The following THOC6 variants were observed in gnomAD, a reference collection of about 807,000 sequenced individuals.
THOC6 encodes the protein THO complex subunit 6.
In THOC6, 39 loss-of-function variants were observed where a neutral mutation model predicts 55.8. That is an observed-to-expected ratio of 0.70 (90% CI 0.54 to 0.91). The LOEUF is 0.91. Among genes scored for constraint, THOC6 ranks in the 40% least tolerant of loss-of-function variants. The pLI, the probability that THOC6 is intolerant of heterozygous loss-of-function variation, is 0.00. For synonymous variants in THOC6, 192 were observed against 175.6 expected, an observed-to-expected ratio of 1.09 and a Z score of -0.74; for missense variants, 482 against 442.0, an observed-to-expected ratio of 1.09 and a Z score of -0.81.
chr16:3,025,761 C>T lies in THOC6; in HGVS notation c.93C>T (p.Ser31=), dbSNP rs115250573. 3.3e-4 allele frequency: 525 copies of T among 1,614,240 alleles called. No homozygotes were observed. The highest frequency in any genetic ancestry group is 3.9e-4 in the Non-Finnish European group (459 of 1,180,044). Residue 31 remains serine, a synonymous_variant, in exon 2 of 13, where the codon AGC becomes AGT. Transcript: ENST00000326266. ...TCCATATGACCATCTTCTCCCAGAG[C>T]GTCTCACCATGTGGGAAGTTTCTGG... ...QRLHMTIFSQ[S]VSPCGKFLAA...
rs2072814790 is a variant in THOC6 at position 3,027,051 on chromosome 16, T to C, written c.677T>C (p.Leu226Ser). 1 of 1,614,164 alleles carries C rather than the reference T, an allele frequency of 6.2e-7. No homozygotes were observed. The highest frequency in any genetic ancestry group is 8.5e-7 in the Non-Finnish European group (1 of 1,180,014). The change falls in exon 10 of 13, where the codon TTG (leucine) becomes TCG (serine). Residue 226 changes from leucine (L) to serine (S), a missense_variant. Physicochemically the swap from Leu to Ser is moderately radical, Grantham distance 145. Transcript: ENST00000326266. Reference sequence around the variant, plus strand: ...CACAATGGGCGCTGGATTGGATGTTTGGCAACTGATTCCGACTGGATGGTG... The same window carrying C: ...CACAATGGGCGCTGGATTGGATGTTCGGCAACTGATTCCGACTGGATGGTG... The part of the protein sequence containing the change: ...RPHNGRWIGC[L>S]ATDSDWMVCG...
Position 3,027,687 on chromosome 16 carries a change from G to A in THOC6, c.*30G>A, listed in dbSNP as rs1294972583. The stretch of plus-strand genomic sequence containing the variant: ...TGACGACACCCCCAGCCAGCTCAGG[G>A]TTTTAGAGTGTTTTTCATTTTCTTT... On this transcript the variant is annotated 3_prime_UTR_variant, in exon 13 of 13. Transcript: ENST00000326266. 2.6e-6 allele frequency: 4 copies of A among 1,561,976 alleles called. No homozygotes were observed. The highest frequency in any genetic ancestry group is 2.6e-6 in the Non-Finnish European group (3 of 1,159,520).
chr16:3,026,523 C>T lies in THOC6; in HGVS notation c.419C>T (p.Ser140Phe). ...CATCCTGCTCCTCCACAGGAGAATTCCCTCATCCTGGCTGGGGGAGACTGT... is the reference window on the plus strand; with the variant it reads ...CATCCTGCTCCTCCACAGGAGAATTTCCTCATCCTGGCTGGGGGAGACTGT... ...NALLLVPKEN[S>F]LILAGGDCQL... Residue 140 changes from serine (S) to phenylalanine (F), a missense_variant, in exon 7 of 13, where the codon TCC becomes TTC. Coordinates refer to ENST00000326266, the MANE Select transcript of THOC6 (RefSeq NM_024339.5). The T allele has an allele frequency of 6.2e-7, 1 of 1,614,166 alleles. No individual in the cohort carries two copies. The highest frequency in any genetic ancestry group is 8.5e-7 in the Non-Finnish European group (1 of 1,180,026).
intron 7 of THOC6, 36 bp from the exon 8 acceptor site, chr16:3,026,643 C>T: frequency 6.2e-7 from 1 of 1,611,078 alleles, no homozygotes; most frequent in Non-Finnish European, 8.5e-7. Flanking sequence ...GGCACTCTTC[C>T]TAGGTCTCCT....
chr16:3,026,425 A>G lies in THOC6; in HGVS notation c.411+12A>G, dbSNP rs199963464. On this transcript the variant is annotated intron_variant, in intron 6 of 12. Transcript: ENST00000326266. ...TGCTGGTCCCCAAGGTCTGAGCCCCATGTGACTGTTCTTGGTCCAAACTTT... is the reference window on the plus strand; with the variant it reads ...TGCTGGTCCCCAAGGTCTGAGCCCCGTGTGACTGTTCTTGGTCCAAACTTT... 2 of 1,614,118 alleles carry G rather than the reference A, an allele frequency of 1.2e-6. No homozygotes were observed. The highest frequency in any genetic ancestry group is 1.7e-6 in the Non-Finnish European group (2 of 1,180,020).
In THOC6 at chr16:3,025,946, G is replaced by T. The variant is rs774344237; in HGVS notation, c.178G>T (p.Glu60Ter). 1 of 1,614,114 alleles carries T rather than the reference G, an allele frequency of 6.2e-7. No homozygotes were observed. The highest frequency in any genetic ancestry group is 2.2e-5 in the East Asian group (1 of 44,904). The stretch of plus-strand genomic sequence containing the variant: ...CAGCTTGTCCTCTGCTTTGAGCTCA[G>T]AAGCCAAAGAGGAAAGTAAGAAGCC... ...IFSLSSALSS[E>*]AKEESKKPVV... The change falls in exon 3 of 13, where the codon GAA becomes TAA. Residue 60 changes from glutamate to a stop codon, truncating the protein, a stop_gained. Transcript: ENST00000326266. LOFTEE classifies it high-confidence loss of function.
rs116675970 is a variant in THOC6, at chr16:3,027,029, A to T, written c.655A>T (p.Asn219Tyr). 6.2e-7 allele frequency: 1 copy of T among 1,614,048 alleles called. No individual in the cohort carries two copies. The highest frequency in any genetic ancestry group is 1.1e-5 in the South Asian group (1 of 91,072). ...ATCCCAGGAGTGCTCGAGGCCCCACAATGGGCGCTGGATTGGATGTTTGGC... is the reference window on the plus strand; with the variant it reads ...ATCCCAGGAGTGCTCGAGGCCCCACTATGGGCGCTGGATTGGATGTTTGGC... ...YKHEECSRPH[N>Y]GRWIGCLATD... The change falls in exon 10 of 13, where the codon AAT becomes TAT. Residue 219 changes from asparagine to tyrosine, a missense_variant. Asn to Tyr is a moderately radical substitution (Grantham distance 143). Coordinates refer to ENST00000326266, the MANE Select transcript of THOC6 (RefSeq NM_024339.5).
chr16:3,027,111 G>A (rs781051418), intron 10 of THOC6, 38 bp downstream of exon 10: 29 of 1,614,008 alleles, frequency 1.8e-5, no homozygotes, highest in East Asian at 2.2e-5. Flanking sequence ...TGGCAGCTCC[G>A]GGCCCTGTCA....
chr16:3,026,812 G>A (rs759725023), intron 8 of THOC6, 31 bp downstream of exon 8: 8 of 1,613,974 alleles, frequency 5.0e-6, no homozygotes, highest in Non-Finnish European at 6.8e-6. Context: ...AGGGCAAGAT[G>A]GCAGTGAAGG....
In THOC6 at chr16:3,026,145, T is replaced by G; in HGVS notation, c.303T>G (p.Leu101=). The G allele has an allele frequency of 6.2e-7, 1 of 1,608,176 alleles. No homozygotes were observed. The highest frequency in any genetic ancestry group is 8.5e-7 in the Non-Finnish European group (1 of 1,175,918). ...GGGATGGGGAGGTGAAGGCCTGGCT[T>G]TGGGCGGAGATGCTCAAGAAGGTAA... ...SAGDGEVKAW[L]WAEMLKKGCK... The change falls in exon 4 of 13, where the codon CTT becomes CTG. Residue 101 remains leucine (L), a synonymous_variant. Coordinates refer to ENST00000326266, the MANE Select transcript of THOC6 (RefSeq NM_024339.5).
At position 3,025,973 on chromosome 16, in the gene THOC6, G is replaced by A. The variant is rs753828028; in HGVS notation, c.205G>A (p.Val69Met). The A allele has an allele frequency of 1.2e-6, 2 of 1,614,226 alleles. No individual in the cohort carries two copies. The highest frequency in any genetic ancestry group is 2.2e-5 in the East Asian group (1 of 44,890). The change falls in exon 3 of 13, where the codon GTG becomes ATG. Residue 69 changes from valine to methionine, a missense_variant. Val to Met is a conservative substitution (Grantham distance 21). Transcript: ENST00000326266. ...SEAKEESKKP[V>M]VTFQAHDGPV... The stretch of plus-strand genomic sequence containing the variant: ...AGCCAAAGAGGAAAGTAAGAAGCCG[G>A]TGGTGACTTTCCAAGGTGGGTATAC...
chr16:3,027,482 TGCCGC>T lies in THOC6; in HGVS notation c.931_935del (p.Ala311Ter). ...TCAGCCTCAGCCTCAACCAGCAGCC[TGCCGC>T]GCCTGAGTGCAAGGTGGGTCCGGCA... On this transcript the variant is annotated frameshift_variant, in exon 12 of 13. Transcript: ENST00000326266. LOFTEE classifies it high-confidence loss of function. The T allele has an allele frequency of 6.2e-7, 1 of 1,610,112 alleles. No individual in the cohort carries two copies. Among genetic ancestry groups the T allele is most frequent in the Non-Finnish European group, 8.5e-7 (1 of 1,177,800 alleles).
intron 6 of THOC6, 44 bp from the exon 7 acceptor site, chr16:3,026,472 C>T (rs760506345): frequency 1.8e-5 from 29 of 1,613,990 alleles, no homozygotes; most frequent in Admixed American, 6.7e-5. Context: ...CTCTGCCTAT[C>T]CTGATTTGAC....
Position 3,026,243 on chromosome 16 carries a change from T to C in THOC6, c.325-8T>C. 1 of 1,614,110 alleles carries C rather than the reference T, an allele frequency of 6.2e-7. No homozygotes were observed. The highest frequency in any genetic ancestry group is 2.2e-5 in the East Asian group (1 of 44,872). ...CTTTGAGGTCACCTGGTATTTTCTC[T>C]TTTGAAGGGCTGTAAGGAGCTGTGG... On this transcript the variant is annotated splice_polypyrimidine_tract_variant and splice_region_variant and intron_variant, in intron 4 of 12. Coordinates refer to ENST00000326266, the MANE Select transcript of THOC6 (RefSeq NM_024339.5).
chr16:3,026,513 CAGG>C lies in THOC6; in HGVS notation c.412_414del (p.Glu138del). The C allele has an allele frequency of 6.2e-7, 1 of 1,614,162 alleles. No homozygotes were observed. Among genetic ancestry groups the C allele is most frequent in the Non-Finnish European group, 8.5e-7 (1 of 1,180,016 alleles). ...CTTTCTGCCTCATCCTGCTCCTCCACAGGAGAATTCCCTCATCCTGGCTGGGGG... is the reference window on the plus strand; with the variant it reads ...CTTTCTGCCTCATCCTGCTCCTCCACAGAATTCCCTCATCCTGGCTGGGGG... On this transcript the variant is annotated splice_acceptor_variant and coding_sequence_variant, in exon 7 of 13. Transcript: ENST00000326266. LOFTEE classifies it high-confidence loss of function.
At chr16:3,026,610 A>G (rs753642822) in intron 7 of THOC6, 23 bp downstream of exon 7, 2 of 1,613,572 alleles carry the variant, frequency 1.2e-6, no homozygotes, top group Non-Finnish European at 8.5e-7. Context: ...CTGGAGCCCT[A>G]GAGCAGGTCT....
intron 7 of THOC6, 36 bp from the exon 8 acceptor site, chr16:3,026,643 C>G (rs751677848): frequency 6.2e-7 from 1 of 1,611,078 alleles, no homozygotes; most frequent in Non-Finnish European, 8.5e-7. Flanking sequence ...GGCACTCTTC[C>G]TAGGTCTCCT....
rs1826717890 is a variant in THOC6, at chr16:3,027,155, C to A, written c.700-15C>A. ...CCTGTGGTTCACAGCTGGGGACTCC[C>A]ACCTTTCTGTCCAGGTCTGTGGAGG... On this transcript the variant is annotated splice_polypyrimidine_tract_variant and intron_variant, in intron 10 of 12. Coordinates refer to ENST00000326266, the MANE Select transcript of THOC6 (RefSeq NM_024339.5). 4 of 1,614,194 alleles carry A rather than the reference C, an allele frequency of 2.5e-6. No homozygotes were observed. Among genetic ancestry groups the A allele is most frequent in the Middle Eastern group, 1.6e-4 (1 of 6,062 alleles).
In THOC6 at chr16:3,024,234, G is replaced by A; in HGVS notation, c.-93G>A. 6 of 1,534,090 alleles carry A rather than the reference G, an allele frequency of 3.9e-6. No homozygotes were observed. Among genetic ancestry groups the A allele is most frequent in the East Asian group, 2.3e-5 (1 of 43,978 alleles). ...CACCAGCCACCTTCGCGCCGAAGGC[G>A]GTAGGGCGCCACGGAGAGGAACCGC... is the stretch of plus-strand genomic sequence containing the variant. On this transcript the variant is annotated 5_prime_UTR_variant, in exon 1 of 13. Coordinates refer to ENST00000326266, the MANE Select transcript of THOC6 (RefSeq NM_024339.5).
Sources: allele counts gnomAD v4.1 joint callset, GRCh38; gene constraint gnomAD v4.1.1; transcripts MANE v1.5; gene names NCBI Gene and HGNC (gene_info 2026-07-23, HGNC 2026-07-21).